The following RALY variants were observed in gnomAD, a reference collection of about 807,000 sequenced individuals.
The protein encoded by RALY is RALY heterogeneous nuclear ribonucleoprotein, also known as RNA-binding protein Raly.
Under a neutral mutation model 30.7 loss-of-function variants are expected in RALY, and 15 were observed. The observed-to-expected ratio is 0.49, with a 90% CI of 0.33 to 0.75. The LOEUF (loss-of-function observed/expected upper bound fraction) is 0.75, where lower values mean the gene tolerates loss of function less well. Ranked by LOEUF, RALY falls within the 30% of genes least tolerant of loss-of-function variation. RALY has a pLI of 0.02. For synonymous variants in RALY, 177 were observed against 170.8 expected (o/e 1.04, Z -0.28); for missense variants, 339 against 414.3 (o/e 0.82, Z 1.58).
At chr20:34,032,035 T>C (rs971952830) in intron 2 of RALY, among the ~76,000 whole-genome samples, 2 of 152,200 alleles carry the variant, frequency 1.3e-5, no homozygotes, top group Non-Finnish European at 2.9e-5. Flanking sequence ...CGATCTCGGC[T>C]CAATGCAACC....
At chr20:34,073,703 T>G in intron 4 of RALY, 68 bp downstream of exon 4, 1 of 1,542,310 alleles carries the variant, frequency 6.5e-7, no homozygotes, top group South Asian at 1.1e-5. Flanking sequence ...GAGTAAATGC[T>G]GGTGTGACAG....
In RALY at chr20:34,072,350, A is replaced by G. The variant is rs1269594858; in HGVS notation, c.256+20A>G. 1.2e-6 allele frequency: 2 copies of G among 1,604,176 alleles called. No individual in the cohort carries two copies. Among genetic ancestry groups the G allele is most frequent in the African/African-American group, 1.3e-5 (1 of 74,770 alleles). On this transcript the variant is annotated intron_variant, in intron 3 of 9. Coordinates refer to ENST00000246194, the MANE Select transcript of RALY (RefSeq NM_016732.3). ...CCCTGGGTAAGCCTCTCTTCACTATATTCTCCTAGTATTCTCTAGAATAGC... is the reference window on the plus strand; with the variant it reads ...CCCTGGGTAAGCCTCTCTTCACTATGTTCTCCTAGTATTCTCTAGAATAGC...
intron 2 of RALY, among the ~76,000 whole-genome samples, chr20:34,037,281 G>A (rs1311544820): frequency 6.6e-6 from 1 of 152,186 alleles, no homozygotes; most frequent in African/African-American, 2.4e-5. Context: ...ATCAGCACTG[G>A]GCAGGCTGAG....
chr20:34,078,738 C>G (rs979837664), intron 9 of RALY, among the ~76,000 whole-genome samples, 185 bp downstream of exon 9: 3 of 152,116 alleles, frequency 2.0e-5, no homozygotes, highest in Non-Finnish European at 4.4e-5. Context: ...TTGGGGCTTG[C>G]CATGCTGAGG....
intron 1 of RALY, among the ~76,000 whole-genome samples, chr20:34,019,777 C>A (rs1477571894): frequency 6.6e-6 from 1 of 152,130 alleles, no homozygotes; most frequent in Admixed American, 6.5e-5. Context: ...AGATAGGAAG[C>A]TTGGCCGGGC....
At chr20:34,048,220 G>A (rs190587229) in intron 2 of RALY, among the ~76,000 whole-genome samples, 27 of 152,264 alleles carry the variant, frequency 1.8e-4, no homozygotes, top group African/African-American at 6.0e-4. Context: ...GCTCACCTAC[G>A]ATTTATTCTT....
At chr20:33,998,830 G>GA (rs1255777802) in intron 1 of RALY, among the ~76,000 whole-genome samples, 3 of 151,932 alleles carry the variant, frequency 2.0e-5, no homozygotes, top group African/African-American at 7.3e-5. Context: ...AGTGTGTGCA[G>GA]AAAAAAGATG....
intron 1 of RALY, among the ~76,000 whole-genome samples, chr20:34,030,301 T>C (rs1049005609): frequency 6.6e-6 from 1 of 152,232 alleles, no homozygotes; most frequent in African/African-American, 2.4e-5. Flanking sequence ...ATTTCTCCAT[T>C]AGTAAAATAA....
At chr20:34,051,627 G>T (rs578093025) in intron 2 of RALY, among the ~76,000 whole-genome samples, 1 of 151,970 alleles carries the variant, frequency 6.6e-6, no homozygotes, top group Admixed American at 6.5e-5. Flanking sequence ...ACAGAGTCTC[G>T]CTCTGTTGCC....
chr20:34,047,499 G>C (rs2032922931), intron 2 of RALY, among the ~76,000 whole-genome samples: 1 of 152,210 alleles, frequency 6.6e-6, no homozygotes, highest in African/African-American at 2.4e-5. Context: ...CAGTGTGTTG[G>C]TGGCAAATGC....
At chr20:34,036,195 T>C (rs1457925303) in intron 2 of RALY, among the ~76,000 whole-genome samples, 2 of 152,156 alleles carry the variant, frequency 1.3e-5, no homozygotes, top group Non-Finnish European at 2.9e-5. Flanking sequence ...TAGTACAGCG[T>C]TGAATAGAAT....
chr20:34,058,708 AAG>A (rs2033329682), intron 2 of RALY, among the ~76,000 whole-genome samples: 1 of 152,210 alleles, frequency 6.6e-6, no homozygotes, highest in Non-Finnish European at 1.5e-5. Flanking sequence ...TGAGATGTCC[AAG>A]GTCACACAAC....
chr20:34,056,165 C>T (rs150749602), intron 2 of RALY, among the ~76,000 whole-genome samples: 1 of 152,154 alleles, frequency 6.6e-6, no homozygotes, highest in African/African-American at 2.4e-5. Flanking sequence ...CTTGTTACAT[C>T]CTAGACTCTG....
Position 34,075,997 on chromosome 20 carries a change from T to C in RALY, c.501T>C (p.Phe167=), listed in dbSNP as rs760014031. ...RVKTNVPVKL[F]ARSTAVTTSS... ...AAACTAACGTACCTGTCAAGCTCTT[T>C]GCCCGCTCCACAGCTGTCACCACCA... The change falls in exon 6 of 10, where the codon TTT becomes TTC. Residue 167 remains phenylalanine, a synonymous_variant. Coordinates refer to ENST00000246194, the MANE Select transcript of RALY (RefSeq NM_016732.3). 9 of 1,614,100 alleles carry C rather than the reference T, an allele frequency of 5.6e-6. No individual in the cohort carries two copies. Among genetic ancestry groups the C allele is most frequent in the Non-Finnish European group, 6.8e-6 (8 of 1,180,032 alleles).
intron 2 of RALY, among the ~76,000 whole-genome samples, chr20:34,070,288 A>G (rs1030989088): frequency 6.6e-6 from 1 of 152,328 alleles, no homozygotes; most frequent in East Asian, 1.9e-4. Context: ...ACCTGTACCA[A>G]TGAGCAGAAG....
intron 2 of RALY, among the ~76,000 whole-genome samples, chr20:34,040,537 G>C (rs892429819): frequency 5.3e-5 from 8 of 152,190 alleles, no homozygotes; most frequent in African/African-American, 1.9e-4. Flanking sequence ...GCCACTCACA[G>C]CTCTGATCTG....
At chr20:34,055,987 T>C (rs1184539808) in intron 2 of RALY, among the ~76,000 whole-genome samples, 1 of 152,158 alleles carries the variant, frequency 6.6e-6, no homozygotes, top group Non-Finnish European at 1.5e-5. Flanking sequence ...GCTCAGGGGT[T>C]GGATTGGTGG....
In RALY at chr20:34,020,746, A is replaced by G. The variant is rs148423335; in HGVS notation, c.-92-10776A>G. On this transcript the variant is annotated intron_variant, in intron 1 of 9. Coordinates refer to ENST00000246194, the MANE Select transcript of RALY (RefSeq NM_016732.3). ...TGGTAGCCCACAAAGCCTAATTACT[A>G]TCTGATCCTATACAGAAAAAGTTTG... 2.5e-3 allele frequency among the ~76,000 whole-genome samples: 374 copies of G among 152,358 alleles called. 3 individuals are homozygous for G. The highest frequency in any genetic ancestry group is 8.5e-3 in the African/African-American group (352 of 41,576).
At chr20:34,011,805 C>T (rs1477896556) in intron 1 of RALY, among the ~76,000 whole-genome samples, 1 of 152,176 alleles carries the variant, frequency 6.6e-6, no homozygotes, top group East Asian at 1.9e-4. Flanking sequence ...GTGGTTCATG[C>T]CTGTAATCCC....
Sources: allele counts gnomAD v4.1 joint callset (sites outside exome capture counted in the v4.1 genomes callset), GRCh38; gene constraint gnomAD v4.1.1; transcripts MANE v1.5; gene names NCBI Gene and HGNC (gene_info 2026-07-23, HGNC 2026-07-21).